Variants in ZZZ3 observed in about 807,000 individuals in gnomAD.
ZZZ3 encodes ZZ-type zinc finger-containing protein 3.
ZZZ3 carries 22 observed loss-of-function variants against 95.2 expected under a neutral mutation model. The observed-to-expected ratio is 0.23, with a 90% confidence interval of 0.17 to 0.33. The LOEUF is 0.33. ZZZ3 is among the 10% of genes least tolerant of loss of function. The probability of loss-of-function intolerance (pLI) is 1.00; values close to 1 mark genes in which losing one functional copy is unlikely to be tolerated. For synonymous variants in ZZZ3, 335 were observed against 358.9 expected (o/e 0.93, Z 0.75); for missense variants, 885 against 1,066.5 (o/e 0.83, Z 2.37).
intron 10 of ZZZ3, 143 bp downstream of exon 10, chr1:77,579,384 A>T (rs1557694324): frequency 1.9e-6 from 1 of 540,138 alleles, no homozygotes; most frequent in East Asian, 3.4e-5. Flanking sequence ...AATATATACA[A>T]TTTTTTTAAA....
intron 1 of ZZZ3, among the ~76,000 whole-genome samples, chr1:77,674,172 C>T (rs184513758): frequency 6.6e-6 from 1 of 152,240 alleles, no homozygotes; most frequent in African/African-American, 2.4e-5. Flanking sequence ...TATTTGATGT[C>T]CCCTCCTAGG....
intron 8 of ZZZ3, among the ~76,000 whole-genome samples, chr1:77,581,341 G>A (rs984067671): frequency 6.6e-6 from 1 of 152,112 alleles, no homozygotes; most frequent in African/African-American, 2.4e-5. Flanking sequence ...TGTGGGCTCA[G>A]AATTGAAAAG....
intron 5 of ZZZ3, among the ~76,000 whole-genome samples, chr1:77,613,146 G>A (rs1377368893): frequency 6.6e-6 from 1 of 152,094 alleles, no homozygotes; most frequent in African/African-American, 2.4e-5. Flanking sequence ...TTTGCCTTCA[G>A]TAAATCATTT....
At chr1:77,677,632 G>C (rs998917091) in intron 1 of ZZZ3, among the ~76,000 whole-genome samples, 2 of 152,090 alleles carry the variant, frequency 1.3e-5, no homozygotes, top group African/African-American at 2.4e-5. Context: ...ATATACAAGA[G>C]AGAGATAATA....
In ZZZ3 at chr1:77,565,756, C is replaced by A. The variant is rs144357575; in HGVS notation, c.2596G>T (p.Asp866Tyr). 554 of 1,613,428 alleles carry A rather than the reference C, an allele frequency of 3.4e-4. No homozygotes were observed. Among genetic ancestry groups the A allele is most frequent in the South Asian group, 5.2e-4 (47 of 90,956 alleles). Reference protein sequence around the residue: ...CLHETDIHKEDHQLEPIYRSE... With the variant: ...CLHETDIHKEYHQLEPIYRSE... ...CTATAAATAGGTTCTAATTGGTGAT[C>A]TTCCTTGTGAATATCTGTTTCATGT... Residue 866 changes from aspartate to tyrosine, a missense_variant, in exon 15 of 15, where the codon GAT (aspartate) becomes TAT (tyrosine). Transcript: ENST00000370801.
At chr1:77,611,765 C>G (rs150989303) in intron 5 of ZZZ3, among the ~76,000 whole-genome samples, 2 of 152,124 alleles carry the variant, frequency 1.3e-5, no homozygotes, top group East Asian at 3.9e-4. Context: ...GCTGGGGAAA[C>G]TGGATATCCA....
At chr1:77,617,873 AGGCGGAGG>A (rs1666467723) in intron 5 of ZZZ3, among the ~76,000 whole-genome samples, 1 of 152,158 alleles carries the variant, frequency 6.6e-6, no homozygotes, top group African/African-American at 2.4e-5. Flanking sequence ...TGAACCCAGA[AGGCGGAGG>A]TTGCAGTGAA....
intron 1 of ZZZ3, among the ~76,000 whole-genome samples, chr1:77,679,114 G>C (rs916504030): frequency 6.6e-6 from 1 of 152,108 alleles, no homozygotes; most frequent in Non-Finnish European, 1.5e-5. Flanking sequence ...CAAGACTTTG[G>C]ACTTTGGGAA....
chr1:77,631,963 T>A lies in ZZZ3; in HGVS notation c.1392A>T (p.Gly464=). ...KPPSEARLNI[G]HLPSAKESAS... Reference sequence around the variant, plus strand: ...CACTCTCTTTGGCAGATGGCAAATGTCCAATATTGAGTCTTGCCTCTGAGG... The same window carrying A: ...CACTCTCTTTGGCAGATGGCAAATGACCAATATTGAGTCTTGCCTCTGAGG... Residue 464 remains glycine (G), a synonymous_variant, in exon 5 of 15, where the codon GGA becomes GGT. Transcript: ENST00000370801. 6.2e-7 allele frequency: 1 copy of A among 1,614,162 alleles called. No homozygotes were observed. The highest frequency in any genetic ancestry group is 8.5e-7 in the Non-Finnish European group (1 of 1,179,992).
chr1:77,574,077 T>G (rs1661672626), intron 12 of ZZZ3, among the ~76,000 whole-genome samples: 1 of 149,350 alleles, frequency 6.7e-6, no homozygotes, highest in Admixed American at 6.7e-5. Flanking sequence ...AATTTGACTT[T>G]ACTTCTGTAG....
chr1:77,625,409 C>T (rs1035236619), intron 5 of ZZZ3, among the ~76,000 whole-genome samples: 3 of 152,054 alleles, frequency 2.0e-5, no homozygotes, highest in Admixed American at 1.3e-4. Context: ...ATAATTCTGA[C>T]AAGTGTTATT....
At chr1:77,609,891 T>C (rs1177231715) in intron 5 of ZZZ3, among the ~76,000 whole-genome samples, 2 of 151,830 alleles carry the variant, frequency 1.3e-5, no homozygotes, top group Non-Finnish European at 2.9e-5. Context: ...GCAAAAGCCA[T>C]GCTAAAAGGG....
intron 4 of ZZZ3, among the ~76,000 whole-genome samples, chr1:77,637,429 C>A (rs573865901): frequency 1.8e-4 from 28 of 152,138 alleles, no homozygotes; most frequent in South Asian, 1.7e-3. Flanking sequence ...TTCTTCATAT[C>A]TTTTCTATTT....
intron 1 of ZZZ3, among the ~76,000 whole-genome samples, chr1:77,652,535 C>T (rs1669902361): frequency 6.6e-6 from 1 of 152,180 alleles, no homozygotes; most frequent in Admixed American, 6.5e-5. Flanking sequence ...AATAGTTTGG[C>T]AGTTCCTCAA....
chr1:77,581,756 C>T lies in ZZZ3; in HGVS notation c.1908+20G>A. 6.4e-7 allele frequency: 1 copy of T among 1,555,260 alleles called. No homozygotes were observed. Among genetic ancestry groups the T allele is most frequent in the Non-Finnish European group, 8.8e-7 (1 of 1,141,684 alleles). ...GTCTAAAATTCAAATTCTCCTACTC[C>T]AATATTTCACACTGCTTACCTGAGG... is the stretch of plus-strand genomic sequence containing the variant. On this transcript the variant is annotated intron_variant, in intron 8 of 14. Coordinates refer to ENST00000370801, the MANE Select transcript of ZZZ3 (RefSeq NM_015534.6).
chr1:77,668,942 TTTAA>T (rs1212249244), intron 1 of ZZZ3, among the ~76,000 whole-genome samples: 4 of 152,176 alleles, frequency 2.6e-5, no homozygotes, highest in African/African-American at 7.2e-5. Context: ...TAGTGAATTA[TTTAA>T]TTAATCAAAA....
chr1:77,651,146 G>C (rs149172330), intron 1 of ZZZ3, among the ~76,000 whole-genome samples: 2 of 152,172 alleles, frequency 1.3e-5, no homozygotes, highest in Non-Finnish European at 2.9e-5. Flanking sequence ...CACTTTAGGA[G>C]GCTGAGGGAG....
intron 1 of ZZZ3, among the ~76,000 whole-genome samples, chr1:77,680,313 T>C (rs555336728): frequency 2.0e-5 from 3 of 152,214 alleles, no homozygotes; most frequent in Non-Finnish European, 2.9e-5. Flanking sequence ...CCTCCAACTA[T>C]TATGAGCCTG....
At chr1:77,568,952 C>A (rs1249322190) in intron 12 of ZZZ3, among the ~76,000 whole-genome samples, 1 of 152,180 alleles carries the variant, frequency 6.6e-6, no homozygotes, top group Non-Finnish European at 1.5e-5. Context: ...CAAAGTAGAA[C>A]ATTTCTCTCC....
Sources: gnomAD v4.1 joint callset for allele counts (sites outside exome capture counted in the v4.1 genomes callset) on GRCh38, gnomAD v4.1.1 for gene constraint, MANE v1.5 for transcripts, NCBI Gene and HGNC (gene_info 2026-07-23, HGNC 2026-07-21) for gene names.